The following GLRA3 variants were observed in gnomAD, a reference collection of about 807,000 sequenced individuals.
GLRA3 encodes the protein glycine receptor alpha 3.
In GLRA3, 44 loss-of-function variants were observed where a neutral mutation model predicts 60.4. The observed-to-expected ratio is 0.73, with a 90% CI of 0.57 to 0.94. GLRA3 has a LOEUF of 0.94. Among genes scored for constraint, GLRA3 ranks in the 40% least tolerant of loss-of-function variants. The probability of loss-of-function intolerance (pLI) is 0.00; values close to 1 mark genes in which losing one functional copy is unlikely to be tolerated. For missense variants in GLRA3, 508 were observed against 564.6 expected, an observed-to-expected ratio of 0.90 and a Z score of 1.02; for synonymous variants, 223 against 192.9, an observed-to-expected ratio of 1.16 and a Z score of -1.29.
chr4:174,736,790 T>C (rs1736807789), intron 3 of GLRA3, among the ~76,000 whole-genome samples: 1 of 152,104 alleles, frequency 6.6e-6, no homozygotes, highest in Non-Finnish European at 1.5e-5. Flanking sequence ...GTATAAGCCA[T>C]CACAATGCCT....
chr4:174,675,183 A>G (rs1175282920), intron 7 of GLRA3, among the ~76,000 whole-genome samples: 2 of 152,182 alleles, frequency 1.3e-5, no homozygotes, highest in East Asian at 1.9e-4. Context: ...CTCTATGATC[A>G]GAGAGATAGA....
chr4:174,736,654 T>G (rs1389046961), intron 3 of GLRA3, among the ~76,000 whole-genome samples: 1 of 152,190 alleles, frequency 6.6e-6, no homozygotes, highest in African/African-American at 2.4e-5. Flanking sequence ...AGAGGTCATT[T>G]GTTTATAGAA....
chr4:174,799,483 G>A (rs1454892047), intron 1 of GLRA3, among the ~76,000 whole-genome samples: 2 of 152,160 alleles, frequency 1.3e-5, no homozygotes, highest in African/African-American at 2.4e-5. Context: ...GTAACTGAGA[G>A]GCTAACAACC....
rs182719355 is a variant in GLRA3 at position 174,803,150 on chromosome 4, T to A, written c.72-14207A>T. Reference sequence around the variant, plus strand: ...GTTTTATCTATAAGATTTATTTTCATCATGCACTCATTCATTTTGACTAAG... The same window carrying A: ...GTTTTATCTATAAGATTTATTTTCAACATGCACTCATTCATTTTGACTAAG... On this transcript the variant is annotated intron_variant, in intron 1 of 9. Transcript: ENST00000274093. Among the ~76,000 whole-genome samples the A allele has an allele frequency of 2.6e-4, 39 of 152,244 alleles. No homozygotes were observed. In the East Asian group the frequency reaches 7.5e-3, roughly 29 times the overall value.
At position 174,642,889 on chromosome 4, in the gene GLRA3, A is replaced by T. The variant is rs1376942799; in HGVS notation, c.*897T>A. 1.8e-5 allele frequency: 13 copies of T among 724,458 alleles called. No homozygotes were observed. The Admixed American group carries it at 6.3e-4, about 35-fold the overall frequency. The allele number at this position is 724,458 out of a possible 1,614,324, so 44.9% of individuals were successfully genotyped here. A position where few individuals can be genotyped will look rare whatever the true frequency, so the allele number is the denominator to read the frequency against. ...TAATCCCATTGAATTTTAAAGTCACATTCTAAACTAAAATATAAAAGTCTT... is the reference window on the plus strand; with the variant it reads ...TAATCCCATTGAATTTTAAAGTCACTTTCTAAACTAAAATATAAAAGTCTT... On this transcript the variant is annotated 3_prime_UTR_variant, in exon 10 of 10. Transcript: ENST00000274093.
intron 7 of GLRA3, 54 bp downstream of exon 7, chr4:174,677,024 G>T: frequency 9.2e-7 from 1 of 1,081,188 alleles, no homozygotes; most frequent in South Asian, 1.3e-5. Flanking sequence ...TGATATCTTT[G>T]CAAGATTTAT....
At chr4:174,654,575 T>C (rs1469289444) in intron 9 of GLRA3, among the ~76,000 whole-genome samples, 1 of 152,198 alleles carries the variant, frequency 6.6e-6, no homozygotes, top group Non-Finnish European at 1.5e-5. Flanking sequence ...TGTGTGCCTA[T>C]GTTTTCTTGC....
At chr4:174,672,513 C>A (rs971022267) in intron 7 of GLRA3, among the ~76,000 whole-genome samples, 1 of 152,076 alleles carries the variant, frequency 6.6e-6, no homozygotes, top group Non-Finnish European at 1.5e-5. Context: ...ATTCTGAGCA[C>A]AAGCCTTGCA....
chr4:174,705,116 C>T lies in GLRA3; in HGVS notation c.574+10372G>A, dbSNP rs1274315680. 2.1e-5 allele frequency among the ~76,000 whole-genome samples: 3 copies of T among 144,178 alleles called. 1 individual carries two copies. The highest frequency in any genetic ancestry group is 7.5e-5 in the African/African-American group (3 of 39,976). 94.6% of individuals were successfully genotyped at this position (144,178 alleles called of 152,430 possible). A position where few individuals can be genotyped will look rare whatever the true frequency, so the allele number is the denominator to read the frequency against. ...GTTATACTTTGAATGTTTGTCCCTT[C>T]ATAACTCATGTTTAAATTCGGTTGC... On this transcript the variant is annotated intron_variant, in intron 5 of 9. Coordinates refer to ENST00000274093, the MANE Select transcript of GLRA3 (RefSeq NM_006529.4).
At chr4:174,672,526 T>C (rs1252874938) in intron 7 of GLRA3, among the ~76,000 whole-genome samples, 1 of 152,038 alleles carries the variant, frequency 6.6e-6, no homozygotes, top group Non-Finnish European at 1.5e-5. Flanking sequence ...GCCTTGCATG[T>C]TTCTGCTTGC....
At chr4:174,653,766 C>T (rs1425166667) in intron 9 of GLRA3, among the ~76,000 whole-genome samples, 2 of 151,880 alleles carry the variant, frequency 1.3e-5, no homozygotes, top group Non-Finnish European at 2.9e-5. Context: ...TGTTAAAAAG[C>T]AGCATTTCTA....
intron 3 of GLRA3, among the ~76,000 whole-genome samples, chr4:174,760,500 A>T (rs1195913122): frequency 6.6e-6 from 1 of 151,504 alleles, no homozygotes; most frequent in African/African-American, 2.4e-5. Flanking sequence ...GCATATATAT[A>T]CTATATTAGA....
At position 174,674,526 on chromosome 4, in the gene GLRA3, T is replaced by C. The variant is rs181210751; in HGVS notation, c.927+2552A>G. ...GAGGAATATCAGCTCTGTAGTTCTC[T>C]AGAAGCTGGCTAAAGTACATTCTTT... On this transcript the variant is annotated intron_variant, in intron 7 of 9. Transcript: ENST00000274093. 3.3e-5 allele frequency among the ~76,000 whole-genome samples: 5 copies of C among 152,302 alleles called. No homozygotes were observed. In the East Asian group the frequency reaches 7.7e-4, roughly 24 times the overall value.
rs33919453 is a variant in GLRA3, at chr4:174,793,418, A to ACATT, written c.72-4479_72-4476dup. The stretch of plus-strand genomic sequence containing the variant: ...GTTTTCTTAAGTAATGTCAAAATTT[A>ACATT]CATTCATTTATTTATTTATTTATTT... On this transcript the variant is annotated intron_variant, in intron 1 of 9. Coordinates refer to ENST00000274093, the MANE Select transcript of GLRA3 (RefSeq NM_006529.4). 2.7e-4 allele frequency among the ~76,000 whole-genome samples: 39 copies of ACATT among 145,072 alleles called. No individual in the cohort carries two copies. In the East Asian group the frequency reaches 3.0e-3, roughly 11 times the overall value.
intron 1 of GLRA3, among the ~76,000 whole-genome samples, chr4:174,820,157 A>G (rs1257676728): frequency 6.6e-6 from 1 of 152,190 alleles, no homozygotes; most frequent in Non-Finnish European, 1.5e-5. Flanking sequence ...ACATTTTTAG[A>G]TATTTTTTTC....
intron 5 of GLRA3, among the ~76,000 whole-genome samples, chr4:174,711,923 T>C (rs1223246716): frequency 6.6e-6 from 1 of 152,226 alleles, no homozygotes; most frequent in Non-Finnish European, 1.5e-5. Context: ...CAACATATTG[T>C]TGGGTCTTAA....
At position 174,788,935 on chromosome 4, in the gene GLRA3, G is replaced by T; in HGVS notation, c.80C>A (p.Ala27Asp). 6.3e-7 allele frequency: 1 copy of T among 1,580,548 alleles called. No homozygotes were observed. Among genetic ancestry groups the T allele is most frequent in the Non-Finnish European group, 8.6e-7 (1 of 1,163,852 alleles). Residue 27 changes from alanine (A) to aspartate (D), a missense_variant, in exon 2 of 10, where the codon GCC (alanine) becomes GAC (aspartate). Coordinates refer to ENST00000274093, the MANE Select transcript of GLRA3 (RefSeq NM_006529.4). ...TCTTGCACTGTCTGTTTCCTTTGTGGCAACCAAACTACAAATAAGAACAAA... is the reference window on the plus strand; with the variant it reads ...TCTTGCACTGTCTGTTTCCTTTGTGTCAACCAAACTACAAATAAGAACAAA... ...WEAALLLSLV[A>D]TKETDSARSR...
rs72996764 is a variant in GLRA3, at chr4:174,640,192, A to T, written c.*3594T>A. 387 of 152,194 alleles carry T rather than the reference A, an allele frequency of 2.5e-3. 4 individuals are homozygous for T. The highest frequency in any genetic ancestry group is 8.8e-3 in the African/African-American group (367 of 41,554). The allele number at this position is 152,194 out of a possible 1,614,324, so 9.4% of individuals were successfully genotyped here. A position where few individuals can be genotyped will look rare whatever the true frequency, so the allele number is the denominator to read the frequency against. ...ATCATGACCTCAAGGATTGTTAATG[A>T]TATCTGTCTAAGGATCATTAGATAC... On this transcript the variant is annotated 3_prime_UTR_variant, in exon 10 of 10. Coordinates refer to ENST00000274093, the MANE Select transcript of GLRA3 (RefSeq NM_006529.4).
At position 174,643,789 on chromosome 4, in the gene GLRA3, A is replaced by G. The variant is rs202123571; in HGVS notation, c.1392T>C (p.Asp464=). 5.6e-6 allele frequency: 9 copies of G among 1,611,520 alleles called. No individual in the cohort carries two copies. The African/African-American group carries it at 1.2e-4, about 22-fold the overall frequency. The change falls in exon 10 of 10, where the codon GAT becomes GAC. Residue 464 remains aspartate (D), a synonymous_variant. Coordinates refer to ENST00000274093, the MANE Select transcript of GLRA3 (RefSeq NM_006529.4). ...LRHEDIHQQQ[D] ...GCATTTGCATGCCCCCAGAGACTTA[A>G]TCTTGCTGCTGATGAATATCCTCAT...
Sources: allele counts gnomAD v4.1 joint callset (sites outside exome capture counted in the v4.1 genomes callset), GRCh38; gene constraint gnomAD v4.1.1; transcripts MANE v1.5; gene names NCBI Gene and HGNC (gene_info 2026-07-23, HGNC 2026-07-21).